BZW2: variants seen among roughly 807,000 people sequenced by gnomAD.
The protein encoded by BZW2 is eIF5-mimic protein 1.
In BZW2, 23 loss-of-function variants were observed where a neutral mutation model predicts 53.2. The ratio of observed to expected loss-of-function variants is 0.43; its 90% CI spans 0.31 to 0.61. The LOEUF (loss-of-function observed/expected upper bound fraction) is 0.61. Ranked by LOEUF, BZW2 falls within the 20% of genes least tolerant of loss-of-function variation. BZW2 has a pLI of 0.09. For synonymous variants in BZW2, 227 were observed against 186.4 expected (o/e 1.22, Z -1.77); for missense variants, 409 against 503.1 (o/e 0.81, Z 1.79).
chr7:16,660,016 C>G (rs1346586776), intron 1 of BZW2, among the ~76,000 whole-genome samples: 1 of 147,538 alleles, frequency 6.8e-6, no homozygotes, highest in African/African-American at 2.5e-5. Context: ...CACCCCACAA[C>G]AGGCCCCTTC....
chr7:16,678,209 G>A (rs948413781), intron 3 of BZW2, among the ~76,000 whole-genome samples: 15 of 149,410 alleles, frequency 1.0e-4, no homozygotes, highest in East Asian at 2.0e-4. Context: ...GGCGTGTGCC[G>A]GCACACCCAG....
chr7:16,682,935 C>T (rs1472189116), intron 5 of BZW2, 90 bp downstream of exon 5: 21 of 787,616 alleles, frequency 2.7e-5, no homozygotes, highest in Non-Finnish European at 3.2e-5. Flanking sequence ...CGGTGGCTCA[C>T]GCCTGTAATC....
intron 1 of BZW2, among the ~76,000 whole-genome samples, chr7:16,659,611 T>C (rs1782200495): frequency 6.6e-6 from 1 of 152,056 alleles, no homozygotes; most frequent in African/African-American, 2.4e-5. Context: ...GAAAGGAAAA[T>C]GTTGTATAGT....
At chr7:16,656,598 A>ACACAC (rs1562475777) in intron 1 of BZW2, among the ~76,000 whole-genome samples, 3 of 122,624 alleles carry the variant, frequency 2.4e-5, no homozygotes, top group African/African-American at 7.4e-5. Context: ...CACACACACA[A>ACACAC]GTAGGTTTAG....
At chr7:16,647,097 G>C (rs774874587) in intron 1 of BZW2, among the ~76,000 whole-genome samples, 2 of 152,160 alleles carry the variant, frequency 1.3e-5, no homozygotes, top group South Asian at 2.1e-4. Flanking sequence ...TAGGTAGATG[G>C]GGGTAAATAC....
intron 1 of BZW2, among the ~76,000 whole-genome samples, chr7:16,664,259 G>A (rs1583708086): frequency 6.6e-6 from 1 of 152,326 alleles, no homozygotes; most frequent in South Asian, 2.1e-4. Flanking sequence ...CCTAGTGGAG[G>A]TTACACTCAT....
intron 11 of BZW2, 26 bp from the exon 12 acceptor site, chr7:16,706,034 T>A (rs538766951): frequency 2.4e-5 from 39 of 1,613,452 alleles, no homozygotes; most frequent in Non-Finnish European, 3.1e-5. Context: ...TGGGAGGAAA[T>A]ATCTCACTTC....
intron 1 of BZW2, among the ~76,000 whole-genome samples, chr7:16,655,991 G>A (rs531983222): frequency 3.8e-4 from 57 of 149,830 alleles, no homozygotes; most frequent in African/African-American, 1.4e-3. Context: ...CAGAACCACA[G>A]TGCAAAAAAA....
chr7:16,667,254 C>A (rs1180621677), intron 2 of BZW2, among the ~76,000 whole-genome samples: 21 of 147,284 alleles, frequency 1.4e-4, no homozygotes, highest in Non-Finnish European at 2.5e-4. Context: ...GCACTGCAGC[C>A]TGGGCAACGA....
chr7:16,650,563 G>C (rs935294217), intron 1 of BZW2, among the ~76,000 whole-genome samples: 12 of 152,064 alleles, frequency 7.9e-5, no homozygotes, highest in South Asian at 2.1e-4. Flanking sequence ...TTTCTAATTT[G>C]TGCAATTTTT....
Position 16,681,393 on chromosome 7 carries a change from A to G in BZW2, c.328A>G (p.Asn110Asp), listed in dbSNP as rs565994111. The change falls in exon 4 of 12, where the codon AAC becomes GAC. Residue 110 changes from asparagine (N) to aspartate (D), a missense_variant. By Grantham distance (23) the Asn-to-Asp change is conservative (BLOSUM62 1). Transcript: ENST00000258761. ...SANEDHETIR[N>D]YAQVFNKLIR... is the part of the protein sequence containing the mutation. Reference sequence around the variant, plus strand: ...AAATGAAGATCATGAAACCATCCGAAACTATGCTCAGGTAGAGCCTGTTTG... The same window carrying G: ...AAATGAAGATCATGAAACCATCCGAGACTATGCTCAGGTAGAGCCTGTTTG... The G allele has an allele frequency of 6.2e-7, 1 of 1,613,744 alleles. No homozygotes were observed. The highest frequency in any genetic ancestry group is 8.5e-7 in the Non-Finnish European group (1 of 1,179,688).
At chr7:16,671,794 G>A (rs921863175) in intron 2 of BZW2, among the ~76,000 whole-genome samples, 3 of 151,978 alleles carry the variant, frequency 2.0e-5, no homozygotes, top group African/African-American at 2.4e-5. Context: ...AGCTGGGTGT[G>A]GTGGCATGTA....
In BZW2 at chr7:16,706,142, A is replaced by T; in HGVS notation, c.*54A>T. ...ACCACACACCACTTTTTGATTGGGAATGCTGAACCATTTGAGAAGAGAAAC... is the reference window on the plus strand; with the variant it reads ...ACCACACACCACTTTTTGATTGGGATTGCTGAACCATTTGAGAAGAGAAAC... On this transcript the variant is annotated 3_prime_UTR_variant, in exon 12 of 12. Transcript: ENST00000258761. The T allele has an allele frequency of 6.4e-7, 1 of 1,572,500 alleles. No homozygotes were observed. Among genetic ancestry groups the T allele is most frequent in the Non-Finnish European group, 8.7e-7 (1 of 1,151,640 alleles).
chr7:16,706,114 G>A lies in BZW2; in HGVS notation c.*26G>A. The A allele has an allele frequency of 1.2e-6, 2 of 1,611,452 alleles. No homozygotes were observed. Among genetic ancestry groups the A allele is most frequent in the South Asian group, 2.2e-5 (2 of 90,798 alleles). ...ATGGCTCAACAAGCACAATACCTAG[G>A]TTACCACACACCACTTTTTGATTGG... On this transcript the variant is annotated 3_prime_UTR_variant, in exon 12 of 12. Transcript: ENST00000258761.
At chr7:16,666,603 A>G (rs1782435403) in intron 2 of BZW2, among the ~76,000 whole-genome samples, 1 of 152,092 alleles carries the variant, frequency 6.6e-6, no homozygotes, top group African/African-American at 2.4e-5. Flanking sequence ...GGGTTTCACC[A>G]TATTGGCCAG....
At chr7:16,671,644 G>C (rs1782603217) in intron 2 of BZW2, among the ~76,000 whole-genome samples, 1 of 151,984 alleles carries the variant, frequency 6.6e-6, no homozygotes, top group Non-Finnish European at 1.5e-5. Flanking sequence ...TTAGTAGTTT[G>C]GCTGGGCCAG....
At chr7:16,660,187 A>G (rs574948482) in intron 1 of BZW2, among the ~76,000 whole-genome samples, 7 of 151,456 alleles carry the variant, frequency 4.6e-5, no homozygotes, top group South Asian at 2.1e-4. Flanking sequence ...TTGTTGCCCT[A>G]TAATTTTTAG....
chr7:16,670,980 C>A lies in BZW2; in HGVS notation c.59-3432C>A, dbSNP rs116196735. ...CTCATGCTTATGTGACTAGTGTTAA[C>A]CACTTACAACCCAGCCCTTCTGTTA... On this transcript the variant is annotated intron_variant, in intron 2 of 11. Transcript: ENST00000258761. Among the ~76,000 whole-genome samples the A allele has an allele frequency of 1.7e-3, 253 of 152,266 alleles. 1 individual carries two copies. The highest frequency in any genetic ancestry group is 5.9e-3 in the African/African-American group (246 of 41,548).
chr7:16,696,880 C>T, intron 8 of BZW2, 35 bp from the exon 9 acceptor site: 3 of 1,612,366 alleles, frequency 1.9e-6, no homozygotes, highest in Non-Finnish European at 2.5e-6. Context: ...CTCCATCTGC[C>T]TGTTACTTTC....
Sources: gnomAD v4.1 joint callset for allele counts (sites outside exome capture counted in the v4.1 genomes callset) on GRCh38, gnomAD v4.1.1 for gene constraint, MANE v1.5 for transcripts, NCBI Gene and HGNC (gene_info 2026-07-23, HGNC 2026-07-21) for gene names.